Variants in CRHR1 observed in about 807,000 individuals in gnomAD.
CRHR1 encodes the protein corticotropin releasing hormone receptor 1.
In CRHR1, 28 loss-of-function variants were observed where a neutral mutation model predicts 56.0. The ratio of observed to expected loss-of-function variants is 0.50; its 90% CI spans 0.37 to 0.69. CRHR1 has a LOEUF of 0.69. Among genes scored for constraint, CRHR1 ranks in the 30% least tolerant of loss-of-function variants. The pLI is 0.00. For synonymous variants in CRHR1, 195 were observed against 216.5 expected, an observed-to-expected ratio of 0.90 and a Z score of 0.87; for missense variants, 376 against 548.0, an observed-to-expected ratio of 0.69 and a Z score of 3.13.
chr17:45,803,913 C>T (rs1428114334), intron 1 of CRHR1, among the ~76,000 whole-genome samples: 6 of 152,142 alleles, frequency 3.9e-5, no homozygotes, highest in Non-Finnish European at 8.8e-5. Context: ...TGCCCCTCTC[C>T]GGGGACAGAG....
intron 1 of CRHR1, among the ~76,000 whole-genome samples, chr17:45,789,602 T>C (rs2061392564): frequency 1.3e-5 from 2 of 152,226 alleles, no homozygotes; most frequent in African/African-American, 4.8e-5. Context: ...ATTCTCAAAC[T>C]CCTGGGCTCA....
intron 1 of CRHR1, 24 bp from the exon 2 acceptor site, chr17:45,806,986 G>A (rs752697095): frequency 1.9e-6 from 3 of 1,609,102 alleles, no homozygotes. Context: ...TGCCTAATGT[G>A]TCCTTCGCCT....
intron 1 of CRHR1, among the ~76,000 whole-genome samples, chr17:45,804,146 G>A (rs1046633905): frequency 2.0e-5 from 3 of 152,190 alleles, no homozygotes; most frequent in Non-Finnish European, 4.4e-5. Context: ...AGTTCCTTGA[G>A]GCCAGAGAGA....
At chr17:45,828,230 G>A (rs1037379325) in intron 4 of CRHR1, among the ~76,000 whole-genome samples, 37 of 152,332 alleles carry the variant, frequency 2.4e-4, no homozygotes, top group African/African-American at 8.9e-4. Flanking sequence ...TGGGCATGGG[G>A]ACTGACCAGT....
intron 4 of CRHR1, among the ~76,000 whole-genome samples, chr17:45,824,408 C>T (rs774985025): frequency 1.3e-5 from 2 of 152,194 alleles, no homozygotes; most frequent in African/African-American, 2.4e-5. Flanking sequence ...TGAGGGTCAG[C>T]GCGGGGTCTT....
intron 1 of CRHR1, among the ~76,000 whole-genome samples, chr17:45,789,511 A>G (rs567496652): frequency 1.3e-5 from 2 of 151,364 alleles, no homozygotes; most frequent in South Asian, 2.1e-4. Context: ...AGCTGGGACT[A>G]TAGGTGTGCA....
intron 4 of CRHR1, among the ~76,000 whole-genome samples, chr17:45,823,286 A>C (rs1449934230): frequency 6.6e-6 from 1 of 151,702 alleles, no homozygotes; most frequent in Non-Finnish European, 1.5e-5. Context: ...GAGCCTTCTG[A>C]TGGGGCAAAA....
chr17:45,829,551 C>A (rs896687832), intron 5 of CRHR1: 4 of 1,548,086 alleles, frequency 2.6e-6, no homozygotes, highest in Admixed American at 2.0e-5. Flanking sequence ...CTTATGTCAC[C>A]CATACCCAGG....
intron 1 of CRHR1, among the ~76,000 whole-genome samples, chr17:45,787,725 G>A (rs150405822): frequency 1.3e-5 from 2 of 152,324 alleles, no homozygotes; most frequent in East Asian, 3.9e-4. Flanking sequence ...TGAGTGAATG[G>A]ACTTTGCCAT....
chr17:45,829,239 G>A lies in CRHR1; in HGVS notation c.352G>A (p.Val118Ile). ...EEKKSKVHYH[V>I]AVIINYLGHC... ...GAAAAAAAGCAAGGTGCACTACCAT[G>A]TCGCAGTCATCATCAACTACCTGGG... The change falls in exon 5 of 13, where the codon GTC (valine) becomes ATC (isoleucine). Residue 118 changes from valine to isoleucine, a missense_variant. Physicochemically the swap from Val to Ile is conservative, Grantham distance 29 (BLOSUM62 3). Around this residue, in one of 2 missense-constraint regions of CRHR1, gnomAD observed 369 missense variants for 519.5 expected, o/e 0.71. Transcript: ENST00000314537. The A allele has an allele frequency of 6.2e-7, 1 of 1,614,074 alleles. No homozygotes were observed. Among genetic ancestry groups the A allele is most frequent in the Non-Finnish European group, 8.5e-7 (1 of 1,180,012 alleles).
chr17:45,830,895 T>C lies in CRHR1; in HGVS notation c.725T>C (p.Ile242Thr). ...ICIGWGVPFP[I>T]IVAWAIGKLY... ...TCTCCCCCAGGTGTGCCCTTCCCCA[T>C]CATTGTGGCCTGGGCCATTGGGAAG... The change falls in exon 8 of 13, where the codon ATC becomes ACC. Residue 242 changes from isoleucine (I) to threonine (T), a missense_variant. Physicochemically the swap from Ile to Thr is moderately conservative, Grantham distance 89. Transcript: ENST00000314537. 1 of 1,613,806 alleles carries C rather than the reference T, an allele frequency of 6.2e-7. No homozygotes were observed. Among genetic ancestry groups the C allele is most frequent in the Non-Finnish European group, 8.5e-7 (1 of 1,179,876 alleles).
intron 1 of CRHR1, among the ~76,000 whole-genome samples, chr17:45,793,468 G>T (rs529514579): frequency 6.6e-6 from 1 of 152,178 alleles, no homozygotes; most frequent in Non-Finnish European, 1.5e-5. Context: ...TTCCCTCCCT[G>T]GTGCTGTCCT....
At chr17:45,804,567 G>A (rs2061685842) in intron 1 of CRHR1, among the ~76,000 whole-genome samples, 1 of 152,092 alleles carries the variant, frequency 6.6e-6, no homozygotes. Context: ...TGAGATAAGG[G>A]AGAACATTCC....
In CRHR1 at chr17:45,833,809, T is replaced by C; in HGVS notation, c.1025T>C (p.Val342Ala). 1 of 1,610,408 alleles carries C rather than the reference T, an allele frequency of 6.2e-7. No homozygotes were observed. Among genetic ancestry groups the C allele is most frequent in the Non-Finnish European group, 8.5e-7 (1 of 1,178,702 alleles). Residue 342 changes from valine (V) to alanine (A), a missense_variant, in exon 11 of 13, where the codon GTC (valine) becomes GCC (alanine). Physicochemically the swap from Val to Ala is moderately conservative, Grantham distance 64. Coordinates refer to ENST00000314537, the MANE Select transcript of CRHR1 (RefSeq NM_004382.5). ...CCCGGGGAGGATGAGGTCTCCCGGGTCGTCTTCATCTACTTCAACTCCTTC... is the reference window on the plus strand; with the variant it reads ...CCCGGGGAGGATGAGGTCTCCCGGGCCGTCTTCATCTACTTCAACTCCTTC... Reference protein sequence around the residue: ...VNPGEDEVSRVVFIYFNSFLE... With the variant: ...VNPGEDEVSRAVFIYFNSFLE...
At chr17:45,829,619 T>C in intron 5 of CRHR1, 1 of 1,550,912 alleles carries the variant, frequency 6.4e-7, no homozygotes, top group Non-Finnish European at 8.7e-7. Context: ...GGGGGCTCCA[T>C]GGAGTGGTGC....
intron 2 of CRHR1, among the ~76,000 whole-genome samples, chr17:45,811,113 G>A (rs944290793): frequency 6.6e-6 from 1 of 152,260 alleles, no homozygotes; most frequent in Non-Finnish European, 1.5e-5. Flanking sequence ...CTGGGACAGA[G>A]CCAGGTTCCA....
At chr17:45,793,981 C>G (rs1448808978) in intron 1 of CRHR1, among the ~76,000 whole-genome samples, 5 of 152,222 alleles carry the variant, frequency 3.3e-5, no homozygotes, top group Non-Finnish European at 7.3e-5. Flanking sequence ...CACCCCAGGA[C>G]TCCCCTCAGA....
Position 45,784,613 on chromosome 17 carries a change from C to T in CRHR1, c.33+36C>T, listed in dbSNP as rs1243418462. 9.2e-6 allele frequency: 14 copies of T among 1,529,898 alleles called. No homozygotes were observed. The highest frequency in any genetic ancestry group is 2.6e-5 in the East Asian group (1 of 38,806). 94.8% of individuals were successfully genotyped at this position (1,529,898 alleles called of 1,614,324 possible). A position where few individuals can be genotyped will look rare whatever the true frequency, so the allele number is the denominator to read the frequency against. ...GCCGGCCATCCCTCGAGCGCTGGCG[C>T]CCCCGGCCCCTGGCGGACGCGGGAC... On this transcript the variant is annotated intron_variant, in intron 1 of 12. Coordinates refer to ENST00000314537, the MANE Select transcript of CRHR1 (RefSeq NM_004382.5). The surrounding 1 kb of genome is among the most constrained non-coding windows in gnomAD (Gnocchi z 4.2).
At chr17:45,811,322 C>A (rs1242060666) in intron 2 of CRHR1, among the ~76,000 whole-genome samples, 1 of 152,270 alleles carries the variant, frequency 6.6e-6, no homozygotes, top group African/African-American at 2.4e-5. Context: ...CGCAGGGTTT[C>A]TTCCCTGGCA....
Sources: allele counts gnomAD v4.1 joint callset (sites outside exome capture counted in the v4.1 genomes callset), GRCh38; gene constraint gnomAD v4.1.1; regional missense constraint gnomAD v4.1.1; non-coding constraint Gnocchi (gnomAD v3.1); transcripts MANE v1.5; gene names NCBI Gene and HGNC (gene_info 2026-07-23, HGNC 2026-07-21).